The following DOCK2 variants were observed in gnomAD, a reference collection of about 807,000 sequenced individuals.
DOCK2 encodes dedicator of cytokinesis protein 2.
DOCK2 carries 87 observed loss-of-function variants against 248.9 expected under a neutral mutation model. The observed-to-expected ratio is 0.35, with a 90% confidence interval of 0.29 to 0.42. The LOEUF (loss-of-function observed/expected upper bound fraction) is 0.42. Ranked by LOEUF, DOCK2 falls within the 10% of genes least tolerant of loss-of-function variation. The probability of loss-of-function intolerance (pLI) is 1.00; values close to 1 mark genes in which losing one functional copy is unlikely to be tolerated. For missense variants in DOCK2, 1,747 were observed against 2,300.2 expected (o/e 0.76, Z 4.92); for synonymous variants, 805 against 821.6 (o/e 0.98, Z 0.35).
intron 9 of DOCK2, among the ~76,000 whole-genome samples, chr5:169,694,475 T>C (rs990499956): frequency 6.6e-6 from 1 of 152,214 alleles, no homozygotes; most frequent in Non-Finnish European, 1.5e-5. Context: ...TGGTCTTTGG[T>C]GTCAGGGACT....
intron 27 of DOCK2, among the ~76,000 whole-genome samples, chr5:169,936,598 T>C (rs79018534): frequency 1.1e-4 from 16 of 150,582 alleles, no homozygotes; most frequent in African/African-American, 3.7e-4. Flanking sequence ...TTTTTTTTTT[T>C]TATGAATTAG....
intron 42 of DOCK2, 123 bp from the exon 43 acceptor site, chr5:170,056,561 C>T: frequency 1.4e-6 from 1 of 715,334 alleles, no homozygotes; most frequent in Admixed American, 2.6e-5. Context: ...TTAAATGCAC[C>T]ACAAGGGACT....
At chr5:169,697,638 G>A (rs1760710696) in intron 10 of DOCK2, among the ~76,000 whole-genome samples, 1 of 152,116 alleles carries the variant, frequency 6.6e-6, no homozygotes, top group African/African-American at 2.4e-5. Context: ...TCTGCTCTCT[G>A]ACTCCCCTCT....
chr5:169,957,119 G>T (rs1410582783), intron 27 of DOCK2, among the ~76,000 whole-genome samples: 1 of 152,148 alleles, frequency 6.6e-6, no homozygotes, highest in Non-Finnish European at 1.5e-5. Context: ...AAGACTGTCA[G>T]TGCCATGAGG....
intron 28 of DOCK2, among the ~76,000 whole-genome samples, chr5:169,985,579 C>G (rs1320297736): frequency 6.6e-6 from 1 of 152,036 alleles, no homozygotes; most frequent in African/African-American, 2.4e-5. Context: ...CTTCTTTATT[C>G]CCAAAGATGG....
chr5:169,901,854 A>G (rs1773944196), intron 27 of DOCK2, among the ~76,000 whole-genome samples: 1 of 152,192 alleles, frequency 6.6e-6, no homozygotes, highest in Non-Finnish European at 1.5e-5. Flanking sequence ...GTTTGCTTGC[A>G]TCTGTTGGAG....
At chr5:169,974,977 A>G (rs1282324690) in intron 27 of DOCK2, among the ~76,000 whole-genome samples, 1 of 152,134 alleles carries the variant, frequency 6.6e-6, no homozygotes, top group Non-Finnish European at 1.5e-5. Context: ...CCAGACTTGA[A>G]TGGCTTTAAC....
chr5:169,675,190 C>G (rs1210183550), intron 6 of DOCK2, among the ~76,000 whole-genome samples: 2 of 152,202 alleles, frequency 1.3e-5, no homozygotes, highest in Non-Finnish European at 2.9e-5. Flanking sequence ...ATGACAGAAT[C>G]TGAACTTAGA....
intron 9 of DOCK2, chr5:169,695,172 C>G (rs67646715): frequency 6.6e-6 from 1 of 152,380 alleles, no homozygotes; most frequent in Non-Finnish European, 1.5e-5. Flanking sequence ...AGACAGTGAG[C>G]GCACCCGTGC....
At chr5:169,693,278 T>C (rs1760413766) in intron 9 of DOCK2, among the ~76,000 whole-genome samples, 1 of 152,012 alleles carries the variant, frequency 6.6e-6, no homozygotes, top group South Asian at 2.1e-4. Context: ...GGAAGAAAGA[T>C]CCAGAGTTGG....
At chr5:169,645,376 T>C (rs1354908058) in intron 1 of DOCK2, among the ~76,000 whole-genome samples, 1 of 152,186 alleles carries the variant, frequency 6.6e-6, no homozygotes, top group Non-Finnish European at 1.5e-5. Flanking sequence ...AGATGATCAG[T>C]GGTGTTGAGC....
chr5:170,018,903 G>A, intron 32 of DOCK2, 57 bp from the exon 33 acceptor site: 2 of 1,590,850 alleles, frequency 1.3e-6, no homozygotes, highest in Non-Finnish European at 1.7e-6. Flanking sequence ...CTTGGTCGGA[G>A]GAGGACCTGT....
chr5:169,800,001 T>C (rs1449274414), intron 25 of DOCK2, among the ~76,000 whole-genome samples: 1 of 151,992 alleles, frequency 6.6e-6, no homozygotes, highest in Non-Finnish European at 1.5e-5. Flanking sequence ...GATGGGGTCT[T>C]CCTATGTTGC....
intron 41 of DOCK2, among the ~76,000 whole-genome samples, chr5:170,052,967 C>G (rs1352064875): frequency 6.6e-6 from 1 of 152,206 alleles, no homozygotes; most frequent in Non-Finnish European, 1.5e-5. Context: ...CTTGCCTTCA[C>G]TTGTTAAAAA....
rs544946921 is a variant in DOCK2 at position 169,756,785 on chromosome 5, C to T, written c.2377-2920C>T. Reference sequence around the variant, plus strand: ...AACTAAAAATACAAAATTAGCTGGACGTGGTGGCACACGCCTGTAATCCCA... The same window carrying T: ...AACTAAAAATACAAAATTAGCTGGATGTGGTGGCACACGCCTGTAATCCCA... On this transcript the variant is annotated intron_variant, in intron 23 of 51. Coordinates refer to ENST00000520908, the MANE Select transcript of DOCK2 (RefSeq NM_004946.3). Among the ~76,000 whole-genome samples the T allele has an allele frequency of 3.9e-5, 6 of 152,112 alleles. No homozygotes were observed. The South Asian group carries it at 8.3e-4, about 21-fold the overall frequency.
intron 27 of DOCK2, among the ~76,000 whole-genome samples, chr5:169,958,874 G>GA (rs1289283622): frequency 6.6e-6 from 1 of 152,054 alleles, no homozygotes; most frequent in Non-Finnish European, 1.5e-5. Flanking sequence ...GAGAGTGGGG[G>GA]AAAAACCTAG....
intron 27 of DOCK2, among the ~76,000 whole-genome samples, chr5:169,961,989 A>AAAAAAAAAAAAAAAAAT (rs1777107594): frequency 2.7e-5 from 4 of 150,038 alleles, no homozygotes; most frequent in Admixed American, 2.6e-4. Flanking sequence ...AAAAAAAAAA[A>AAAAAAAAAAAAAAAAAT]AAAAAATGGA....
At chr5:169,654,269 T>A in intron 1 of DOCK2, 134 bp from the exon 2 acceptor site, 1 of 879,410 alleles carries the variant, frequency 1.1e-6, no homozygotes, top group Non-Finnish European at 1.7e-6. Context: ...AGGCAATAGG[T>A]TTCTGTGTTG....
chr5:170,027,347 A>G (rs1755954637), intron 33 of DOCK2, among the ~76,000 whole-genome samples: 1 of 152,022 alleles, frequency 6.6e-6, no homozygotes, highest in African/African-American at 2.4e-5. Context: ...TGTGGTTAGG[A>G]CTGGTGTGAT....
Sources: allele counts gnomAD v4.1 joint callset (sites outside exome capture counted in the v4.1 genomes callset), GRCh38; gene constraint gnomAD v4.1.1; transcripts MANE v1.5; gene names NCBI Gene and HGNC (gene_info 2026-07-23, HGNC 2026-07-21).